Variants in ANKS1B observed in about 807,000 individuals in gnomAD.
ANKS1B encodes ankyrin repeat and sterile alpha motif domain containing 1B, also known as ankyrin repeat and sterile alpha motif domain-containing protein 1B.
In ANKS1B, 36 loss-of-function variants were observed where a neutral mutation model predicts 148.3. The observed-to-expected ratio is 0.24, with a 90% CI of 0.19 to 0.32. ANKS1B has a LOEUF of 0.32. Among genes scored for constraint, ANKS1B ranks in the 10% least tolerant of loss-of-function variants. The pLI, the probability that ANKS1B is intolerant of heterozygous loss-of-function variation, is 1.00. For synonymous variants in ANKS1B, 542 were observed against 560.8 expected (o/e 0.97, Z 0.47); for missense variants, 1,157 against 1,542.6 (o/e 0.75, Z 4.19).
chr12:99,376,909 T>A (rs534417478), intron 12 of ANKS1B, among the ~76,000 whole-genome samples: 3 of 152,122 alleles, frequency 2.0e-5, no homozygotes, highest in Non-Finnish European at 4.4e-5. Flanking sequence ...ATTGATTAAA[T>A]CATGGATACA....
intron 16 of ANKS1B, among the ~76,000 whole-genome samples, chr12:99,075,070 T>C (rs1310324804): frequency 6.6e-6 from 1 of 152,066 alleles, no homozygotes; most frequent in Non-Finnish European, 1.5e-5. Flanking sequence ...GGAAGAAGGA[T>C]GAGAGTTAAG....
chr12:99,817,386 G>T (rs963532876), intron 2 of ANKS1B, among the ~76,000 whole-genome samples: 1 of 151,536 alleles, frequency 6.6e-6, no homozygotes, highest in Non-Finnish European at 1.5e-5. Context: ...TTGTGTATAT[G>T]TGCCACATTT....
rs913497601 is a variant in ANKS1B, at chr12:99,243,062, G to T, written c.2419+1280C>A. On this transcript the variant is annotated intron_variant, in intron 14 of 26. Coordinates refer to ENST00000683438, the MANE Select transcript of ANKS1B (RefSeq NM_001352186.2). The stretch of plus-strand genomic sequence containing the variant: ...ACAAATGGGATCTAATTAAACTAAA[G>T]AGATTCCACACAGCAAAAGAAAAGG... Among the ~76,000 whole-genome samples the T allele has an allele frequency of 9.9e-5, 15 of 152,108 alleles. 1 individual carries two copies. Among genetic ancestry groups the T allele is most frequent in the African/African-American group, 3.6e-4 (15 of 41,418 alleles).
intron 9 of ANKS1B, among the ~76,000 whole-genome samples, chr12:99,545,521 G>A (rs960400333): frequency 6.6e-6 from 1 of 151,970 alleles, no homozygotes; most frequent in South Asian, 2.1e-4. Context: ...AGGGGTTATT[G>A]GCTATTGAAG....
intron 10 of ANKS1B, among the ~76,000 whole-genome samples, chr12:99,503,808 T>A (rs552382393): frequency 6.6e-6 from 1 of 152,178 alleles, no homozygotes; most frequent in African/African-American, 2.4e-5. Context: ...TTCTTACAAC[T>A]CCTTCACAGC....
intron 17 of ANKS1B, among the ~76,000 whole-genome samples, chr12:98,865,443 T>C (rs1014428509): frequency 3.3e-5 from 5 of 152,208 alleles, no homozygotes; most frequent in African/African-American, 1.2e-4. Flanking sequence ...GTGGCTATTA[T>C]GTTCCTGGCA....
intron 4 of ANKS1B, among the ~76,000 whole-genome samples, chr12:99,788,530 A>T (rs900657850): frequency 6.6e-6 from 1 of 152,176 alleles, no homozygotes; most frequent in Non-Finnish European, 1.5e-5. Flanking sequence ...GTCATCCAGC[A>T]CAGTCCCAGC....
Position 98,897,233 on chromosome 12 carries a change from C to T in ANKS1B, c.2779-65097G>A, listed in dbSNP as rs1177443169. Reference sequence around the variant, plus strand: ...GGTTCATACTCTAAATACTGGAATCCTGCTTAATTAAACTAAGGAGCTTCT... The same window carrying T: ...GGTTCATACTCTAAATACTGGAATCTTGCTTAATTAAACTAAGGAGCTTCT... On this transcript the variant is annotated intron_variant, in intron 17 of 26. Coordinates refer to ENST00000683438, the MANE Select transcript of ANKS1B (RefSeq NM_001352186.2). Among the ~76,000 whole-genome samples the T allele has an allele frequency of 2.0e-5, 3 of 152,078 alleles. No homozygotes were observed. In the East Asian group the frequency reaches 5.8e-4, roughly 29 times the overall value.
intron 12 of ANKS1B, among the ~76,000 whole-genome samples, chr12:99,317,904 CT>C (rs1379506088): frequency 9.2e-5 from 14 of 152,188 alleles, no homozygotes; most frequent in African/African-American, 3.4e-4. Flanking sequence ...AAGGCCTTTT[CT>C]GCATCTATTG....
rs189472177 is a variant in ANKS1B, at chr12:99,694,266, C to A, written c.1129-39056G>T. 5.3e-5 allele frequency among the ~76,000 whole-genome samples: 8 copies of A among 151,198 alleles called. No individual in the cohort carries two copies. In the East Asian group the frequency reaches 1.6e-3, roughly 30 times the overall value. Reference sequence around the variant, plus strand: ...CCAGCCTGGCCAACATGGTGAAACCCTGCCTCTATTAAAAATACAAAAATT... The same window carrying A: ...CCAGCCTGGCCAACATGGTGAAACCATGCCTCTATTAAAAATACAAAAATT... On this transcript the variant is annotated intron_variant, in intron 8 of 26. Coordinates refer to ENST00000683438, the MANE Select transcript of ANKS1B (RefSeq NM_001352186.2).
At chr12:99,536,440 A>G (rs2097067836) in intron 9 of ANKS1B, among the ~76,000 whole-genome samples, 1 of 152,116 alleles carries the variant, frequency 6.6e-6, no homozygotes, top group Admixed American at 6.6e-5. Context: ...TCTACAATCA[A>G]ATTTCTTCAC....
chr12:99,030,656 G>A (rs2099951542), intron 17 of ANKS1B, among the ~76,000 whole-genome samples: 1 of 152,102 alleles, frequency 6.6e-6, no homozygotes, highest in Admixed American at 6.5e-5. Flanking sequence ...TACCCTGAAT[G>A]TGGTTCTTAT....
At chr12:99,049,407 T>C (rs2099964531) in intron 17 of ANKS1B, among the ~76,000 whole-genome samples, 1 of 152,082 alleles carries the variant, frequency 6.6e-6, no homozygotes, top group Non-Finnish European at 1.5e-5. Context: ...TAGACAGAAG[T>C]GTGAGTTTAT....
chr12:99,707,608 T>C (rs2056007122), intron 8 of ANKS1B, among the ~76,000 whole-genome samples: 1 of 152,096 alleles, frequency 6.6e-6, no homozygotes, highest in African/African-American at 2.4e-5. Context: ...AAATTTCCTT[T>C]GCTTTTAATT....
At chr12:99,581,534 A>G (rs1002519128) in intron 9 of ANKS1B, among the ~76,000 whole-genome samples, 2 of 152,242 alleles carry the variant, frequency 1.3e-5, no homozygotes, top group African/African-American at 4.8e-5. Context: ...TCATAAAATA[A>G]AAGACTGATA....
At chr12:99,428,984 T>C (rs1319739798) in intron 11 of ANKS1B, among the ~76,000 whole-genome samples, 1 of 151,980 alleles carries the variant, frequency 6.6e-6, no homozygotes, top group Non-Finnish European at 1.5e-5. Flanking sequence ...TCAAAACCAA[T>C]AATAATAATA....
At chr12:99,775,125 G>A (rs937109691) in intron 7 of ANKS1B, among the ~76,000 whole-genome samples, 1 of 152,002 alleles carries the variant, frequency 6.6e-6, no homozygotes, top group Non-Finnish European at 1.5e-5. Context: ...CCTGAAACTT[G>A]CTAAGAGAGT....
intron 8 of ANKS1B, among the ~76,000 whole-genome samples, chr12:99,750,590 T>C (rs1364993777): frequency 2.0e-5 from 3 of 152,110 alleles, no homozygotes; most frequent in Admixed American, 2.0e-4. Flanking sequence ...TTCCTAGTCT[T>C]GCAGTTTGGG....
intron 6 of ANKS1B, among the ~76,000 whole-genome samples, chr12:99,778,485 G>C (rs567520150): frequency 1.4e-5 from 2 of 141,662 alleles, no homozygotes; most frequent in South Asian, 4.4e-4. Context: ...TCCAGCCTAG[G>C]CAATAAGAGC....
Sources: allele counts gnomAD v4.1 joint callset (sites outside exome capture counted in the v4.1 genomes callset), GRCh38; gene constraint gnomAD v4.1.1; transcripts MANE v1.5; gene names NCBI Gene and HGNC (gene_info 2026-07-23, HGNC 2026-07-21).